SMCO4: variants seen among roughly 807,000 people sequenced by gnomAD.
SMCO4 encodes single-pass membrane and coiled-coil domain-containing protein 4.
In SMCO4, 4 loss-of-function variants were observed where a neutral mutation model predicts 3.6. The observed-to-expected ratio is 1.11, with a 90% CI of 0.54 to 2.53. The LOEUF is 2.53. SMCO4 is among the 30% of genes most tolerant of loss of function. The pLI, the probability that SMCO4 is intolerant of heterozygous loss-of-function variation, is 0.02. For missense variants in SMCO4, 70 were observed against 80.8 expected (o/e 0.87, Z 0.51); for synonymous variants, 36 against 35.3 (o/e 1.02, Z -0.07).
chr11:93,548,356 G>T (rs1032755979), upstream of SMCO4, among the ~76,000 whole-genome samples: 2 of 152,130 alleles, frequency 1.3e-5, no homozygotes, highest in African/African-American at 2.4e-5. Context: ...TTTTTGTAAT[G>T]GTTTTGGTCT....
intron 1 of SMCO4, among the ~76,000 whole-genome samples, chr11:93,538,632 G>A (rs1298110266): frequency 6.6e-6 from 1 of 152,150 alleles, no homozygotes; most frequent in Admixed American, 6.5e-5. Flanking sequence ...GGCACTTTTG[G>A]TTTCTGCAGA....
intron 2 of SMCO4, among the ~76,000 whole-genome samples, chr11:93,498,140 CA>C (rs1252908528): frequency 2.0e-5 from 3 of 152,182 alleles, no homozygotes; most frequent in Non-Finnish European, 2.9e-5. Flanking sequence ...CAACAATGTG[CA>C]GATGAATACG....
At chr11:93,519,998 A>C (rs1362030995) in intron 1 of SMCO4, among the ~76,000 whole-genome samples, 2 of 152,338 alleles carry the variant, frequency 1.3e-5, no homozygotes, top group East Asian at 3.9e-4. Flanking sequence ...AAATCAAGCA[A>C]AGAAAAGCAA....
At chr11:93,486,572 C>T (rs1466966518) in intron 2 of SMCO4, among the ~76,000 whole-genome samples, 1 of 152,196 alleles carries the variant, frequency 6.6e-6, no homozygotes, top group African/African-American at 2.4e-5. Flanking sequence ...TGCACCACAT[C>T]CCGCTTGAGT....
At chr11:93,488,087 G>C (rs1948671460) in intron 2 of SMCO4, among the ~76,000 whole-genome samples, 1 of 152,218 alleles carries the variant, frequency 6.6e-6, no homozygotes, top group Non-Finnish European at 1.5e-5. Flanking sequence ...TGTGCTGCTG[G>C]AGGCGCAGAG....
chr11:93,518,592 A>C (rs1292808183), intron 1 of SMCO4, among the ~76,000 whole-genome samples: 1 of 152,242 alleles, frequency 6.6e-6, no homozygotes, highest in Non-Finnish European at 1.5e-5. Flanking sequence ...CTGAAAACAA[A>C]ATGCAAACCT....
chr11:93,524,772 T>C (rs1300239006), intron 1 of SMCO4, among the ~76,000 whole-genome samples: 1 of 152,174 alleles, frequency 6.6e-6, no homozygotes, highest in Non-Finnish European at 1.5e-5. Context: ...GAGGAGGTGG[T>C]GCATCCAATG....
At chr11:93,484,664 G>C (rs1046546602) in intron 2 of SMCO4, among the ~76,000 whole-genome samples, 1 of 151,226 alleles carries the variant, frequency 6.6e-6, no homozygotes, top group Non-Finnish European at 1.5e-5. Flanking sequence ...AGATGTACAT[G>C]AATCTGGGAA....
intron 1 of SMCO4, among the ~76,000 whole-genome samples, chr11:93,541,051 T>A (rs919603064): frequency 3.3e-5 from 5 of 152,230 alleles, no homozygotes; most frequent in African/African-American, 1.2e-4. Flanking sequence ...TGAAAGCTAC[T>A]AATGGACAAG....
intron 1 of SMCO4, among the ~76,000 whole-genome samples, chr11:93,518,475 T>C (rs1245006560): frequency 6.6e-6 from 1 of 152,254 alleles, no homozygotes; most frequent in Non-Finnish European, 1.5e-5. Flanking sequence ...ATAACTAGGA[T>C]GGAGTTGCTG....
chr11:93,552,441 CG>C, the SMCO4 span, among the ~76,000 whole-genome samples: 1 of 80,882 alleles, frequency 1.2e-5, no homozygotes, highest in African/African-American at 4.1e-5. Flanking sequence ...TGCCCAGCCA[CG>C]TTATTATTAT....
rs58177836 is a variant in SMCO4, at chr11:93,478,713, G to GCACACACACACACACACACACACACA, written c.*271_*296dup. 1 of 222,464 alleles carries GCACACACACACACACACACACACACA rather than the reference G, an allele frequency of 4.5e-6. No individual in the cohort carries two copies. Among genetic ancestry groups the GCACACACACACACACACACACACACA allele is most frequent in the African/African-American group, 2.4e-5 (1 of 41,550 alleles). 13.8% of individuals were successfully genotyped at this position (222,464 alleles called of 1,614,324 possible). On this transcript the variant is annotated 3_prime_UTR_variant, in exon 3 of 3. Coordinates refer to ENST00000298966, the MANE Select transcript of SMCO4 (RefSeq NM_020179.3). Reference sequence around the variant, plus strand: ...ATCGATTTTTAGGAGAGAAAAAGAAGCACACACACACACACACACACACAC... The same window carrying GCACACACACACACACACACACACACA: ...ATCGATTTTTAGGAGAGAAAAAGAAGCACACACACACACACACACACACACACACACACACACACACACACACACAC...
intron 1 of SMCO4, among the ~76,000 whole-genome samples, chr11:93,534,805 C>T (rs1447811194): frequency 6.6e-6 from 1 of 152,194 alleles, no homozygotes; most frequent in Non-Finnish European, 1.5e-5. Flanking sequence ...CCGAGATCAG[C>T]CCATTCATGG....
intron 1 of SMCO4, among the ~76,000 whole-genome samples, chr11:93,540,414 C>T (rs1949262315): frequency 6.6e-6 from 1 of 152,192 alleles, no homozygotes; most frequent in African/African-American, 2.4e-5. Flanking sequence ...CTGCCAGACT[C>T]CCAAGACGCT....
chr11:93,508,138 C>A (rs1246529718), intron 1 of SMCO4, among the ~76,000 whole-genome samples: 1 of 151,992 alleles, frequency 6.6e-6, no homozygotes, highest in Non-Finnish European at 1.5e-5. Context: ...TTAGGGGAAT[C>A]TCACTAATTT....
At chr11:93,493,132 G>A (rs945461401) in intron 2 of SMCO4, among the ~76,000 whole-genome samples, 2 of 152,186 alleles carry the variant, frequency 1.3e-5, no homozygotes, top group African/African-American at 4.8e-5. Flanking sequence ...ACCAGTCAAT[G>A]AGAATGGTTT....
chr11:93,509,050 G>A (rs917034611), intron 1 of SMCO4, among the ~76,000 whole-genome samples: 1 of 152,140 alleles, frequency 6.6e-6, no homozygotes, highest in African/African-American at 2.4e-5. Context: ...AACACTCTGG[G>A]AGGCGGAGGT....
chr11:93,487,038 G>A (rs1453479965), intron 2 of SMCO4, among the ~76,000 whole-genome samples: 1 of 152,164 alleles, frequency 6.6e-6, no homozygotes, highest in Non-Finnish European at 1.5e-5. Context: ...TACAATATGA[G>A]GCATTAGAAG....
At position 93,506,082 on chromosome 11, in the gene SMCO4, CAT is replaced by C. The variant is rs572374777; in HGVS notation, c.-153-6736_-153-6735del. Among the ~76,000 whole-genome samples, 139 of 152,256 alleles carry C rather than the reference CAT, an allele frequency of 9.1e-4. 1 individual carries two copies. Among genetic ancestry groups the C allele is most frequent in the Non-Finnish European group, 1.1e-3 (72 of 68,028 alleles). Reference sequence around the variant, plus strand: ...ATTTATACACACATACACACCTATACATGTGTAGATATATAAATATGTGTGAA... The same window carrying C: ...ATTTATACACACATACACACCTATACGTGTAGATATATAAATATGTGTGAA... On this transcript the variant is annotated intron_variant, in intron 1 of 2. Transcript: ENST00000298966.
Sources: allele counts gnomAD v4.1 joint callset (sites outside exome capture counted in the v4.1 genomes callset), GRCh38; gene constraint gnomAD v4.1.1; transcripts MANE v1.5; gene names NCBI Gene and HGNC (gene_info 2026-07-23, HGNC 2026-07-21).